The following GNAI3 variants were observed in gnomAD, a reference collection of about 807,000 sequenced individuals.
GNAI3 encodes the protein G protein subunit alpha i3.
GNAI3 carries 12 observed loss-of-function variants against 41.8 expected under a neutral mutation model. The ratio of observed to expected loss-of-function variants is 0.29; its 90% CI spans 0.18 to 0.47. The LOEUF (loss-of-function observed/expected upper bound fraction) is 0.47. Ranked by LOEUF, GNAI3 falls within the 20% of genes least tolerant of loss-of-function variation. GNAI3 has a pLI of 1.00. For missense variants in GNAI3, 360 were observed against 429.6 expected, an observed-to-expected ratio of 0.84 and a Z score of 1.43; for synonymous variants, 132 against 146.5, an observed-to-expected ratio of 0.90 and a Z score of 0.71.
intron 1 of GNAI3, among the ~76,000 whole-genome samples, chr1:109,567,065 A>G (rs967837300): frequency 6.6e-6 from 1 of 152,168 alleles, no homozygotes; most frequent in Non-Finnish European, 1.5e-5. Context: ...AAAAAAATCA[A>G]TTTTATTTGC....
At chr1:109,591,967 A>C (rs546985024) in intron 7 of GNAI3, 76 bp from the exon 8 acceptor site, 1 of 788,430 alleles carries the variant, frequency 1.3e-6, no homozygotes, top group East Asian at 2.5e-5. Context: ...TCCATAAGTA[A>C]ATGGTAATGG....
rs752850874 is a variant in GNAI3 at position 109,579,294 on chromosome 1, C to T, written c.394C>T (p.Arg132Ter). The change falls in exon 4 of 9, where the codon CGA becomes TGA. Residue 132 changes from arginine (R) to a stop codon, truncating the protein, a stop_gained. Transcript: ENST00000369851. LOFTEE classifies it high-confidence loss of function. Reference protein sequence around the residue: ...ELAGVIKRLWRDGGVQACFSR... With the variant: ...ELAGVIKRLW ...AGCAGGAGTGATTAAACGGTTATGG[C>T]GAGATGGTGGGGTACAAGCTTGCTT... is the stretch of plus-strand genomic sequence containing the variant. 9 of 1,612,814 alleles carry T rather than the reference C, an allele frequency of 5.6e-6. No individual in the cohort carries two copies. The highest frequency in any genetic ancestry group is 7.6e-6 in the Non-Finnish European group (9 of 1,179,102).
chr1:109,554,244 T>C (rs1648083773), intron 1 of GNAI3, among the ~76,000 whole-genome samples: 2 of 152,166 alleles, frequency 1.3e-5, no homozygotes, highest in Non-Finnish European at 2.9e-5. Context: ...GGGTAGATAC[T>C]CAGGAGTGAG....
rs969402700 is a variant in GNAI3, at chr1:109,597,337, C to G, written c.*5015C>G. On this transcript the variant is annotated 3_prime_UTR_variant, in exon 9 of 9. Transcript: ENST00000369851. ...ATTAGCCAGGCATGGTGGTGGATGC[C>G]TGTAATCCTAGCTACTCGGGAGGCT... is the stretch of plus-strand genomic sequence containing the variant. 6.6e-6 allele frequency: 1 copy of G among 152,240 alleles called. No homozygotes were observed. The highest frequency in any genetic ancestry group is 2.4e-5 in the African/African-American group (1 of 41,504). The allele number at this position is 152,240 out of a possible 1,614,324, so 9.4% of individuals were successfully genotyped here.
chr1:109,577,970 T>G (rs575016234), intron 3 of GNAI3, among the ~76,000 whole-genome samples: 3 of 152,366 alleles, frequency 2.0e-5, no homozygotes, highest in Non-Finnish European at 4.4e-5. Context: ...ATATACTTTT[T>G]AAATTTTTTA....
chr1:109,562,943 G>A (rs556627574), intron 1 of GNAI3, among the ~76,000 whole-genome samples: 2 of 152,100 alleles, frequency 1.3e-5, no homozygotes, highest in East Asian at 1.9e-4. Context: ...ATTATTTGTG[G>A]GTTACAGTTG....
rs575123495 is a variant in GNAI3, at chr1:109,593,566, C to T, written c.*1244C>T. 1 of 152,732 alleles carries T rather than the reference C, an allele frequency of 6.5e-6. No homozygotes were observed. Among genetic ancestry groups the T allele is most frequent in the African/African-American group, 2.4e-5 (1 of 41,560 alleles). 9.5% of individuals were successfully genotyped at this position (152,732 alleles called of 1,614,324 possible). A position where few individuals can be genotyped will look rare whatever the true frequency, so the allele number is the denominator to read the frequency against. ...TTTCTGGAAATACTGTCTTCTGTTT[C>T]CTTTTGCCTTTGCAGAATGTGCTTT... On this transcript the variant is annotated 3_prime_UTR_variant, in exon 9 of 9. Coordinates refer to ENST00000369851, the MANE Select transcript of GNAI3 (RefSeq NM_006496.4).
At chr1:109,561,421 G>C (rs1219248679) in intron 1 of GNAI3, among the ~76,000 whole-genome samples, 1 of 152,066 alleles carries the variant, frequency 6.6e-6, no homozygotes, top group African/African-American at 2.4e-5. Flanking sequence ...GATTAATATT[G>C]GTGCCTTAAT....
At chr1:109,578,871 C>T (rs1306931571) in intron 3 of GNAI3, among the ~76,000 whole-genome samples, 3 of 152,166 alleles carry the variant, frequency 2.0e-5, no homozygotes, top group Non-Finnish European at 4.4e-5. Context: ...AATCCTGTCT[C>T]ATAAACCAGT....
At chr1:109,576,328 CCA>C (rs1395165848) in intron 3 of GNAI3, among the ~76,000 whole-genome samples, 1 of 152,100 alleles carries the variant, frequency 6.6e-6, no homozygotes, top group Non-Finnish European at 1.5e-5. Flanking sequence ...CTTGGCCTCC[CCA>C]AGTGCTGGGA....
In GNAI3 at chr1:109,598,499, T is replaced by C. The variant is rs754717561; in HGVS notation, c.*6177T>C. Reference sequence around the variant, plus strand: ...ATTTGAAAATGCTTTGTAAATGTTATGATACTCAGGATTATACTGCACAGA... The same window carrying C: ...ATTTGAAAATGCTTTGTAAATGTTACGATACTCAGGATTATACTGCACAGA... On this transcript the variant is annotated 3_prime_UTR_variant, in exon 9 of 9. Transcript: ENST00000369851. 3 of 155,824 alleles carry C rather than the reference T, an allele frequency of 1.9e-5. No individual in the cohort carries two copies. The highest frequency in any genetic ancestry group is 4.3e-5 in the Non-Finnish European group (3 of 70,168). The allele number at this position is 155,824 out of a possible 1,614,324, so 9.7% of individuals were successfully genotyped here. A position where few individuals can be genotyped will look rare whatever the true frequency, so the allele number is the denominator to read the frequency against.
intron 1 of GNAI3, among the ~76,000 whole-genome samples, chr1:109,566,619 T>C (rs1385601955): frequency 1.3e-5 from 2 of 152,206 alleles, no homozygotes; most frequent in Non-Finnish European, 2.9e-5. Context: ...CGGAGTGCAA[T>C]GGCGCGGTCT....
chr1:109,589,193 C>T (rs925285171), intron 7 of GNAI3, among the ~76,000 whole-genome samples: 6 of 151,918 alleles, frequency 3.9e-5, no homozygotes, highest in African/African-American at 9.7e-5. Context: ...ACAGGTAGAA[C>T]GAGAGAGAAT....
chr1:109,552,795 C>T (rs1041653468), intron 1 of GNAI3, among the ~76,000 whole-genome samples: 1 of 151,786 alleles, frequency 6.6e-6, no homozygotes, highest in African/African-American at 2.4e-5. Context: ...CCCAATGAGC[C>T]TTACAAATAT....
intron 1 of GNAI3, among the ~76,000 whole-genome samples, chr1:109,556,449 G>T (rs969574727): frequency 6.6e-6 from 1 of 152,198 alleles, no homozygotes; most frequent in Non-Finnish European, 1.5e-5. Flanking sequence ...AAACGCGGAA[G>T]AAAAAACTGA....
chr1:109,558,845 T>C (rs920802397), intron 1 of GNAI3, among the ~76,000 whole-genome samples: 11 of 151,988 alleles, frequency 7.2e-5, no homozygotes, highest in African/African-American at 2.7e-4. Flanking sequence ...GAATAGGACT[T>C]GTTGAAGGGA....
At chr1:109,578,157 A>G (rs1018877535) in intron 3 of GNAI3, among the ~76,000 whole-genome samples, 1 of 152,118 alleles carries the variant, frequency 6.6e-6, no homozygotes, top group Non-Finnish European at 1.5e-5. Flanking sequence ...TTTATGTTTA[A>G]AAACTATAAC....
At position 109,595,150 on chromosome 1, in the gene GNAI3, A is replaced by G. The variant is rs2101115274; in HGVS notation, c.*2828A>G. ...CTCTGAAGAATGCTGGAGATTTGTG[A>G]TGGATAATGTTTCAGAATTCAGGTG... On this transcript the variant is annotated 3_prime_UTR_variant, in exon 9 of 9. Transcript: ENST00000369851. The G allele has an allele frequency of 6.6e-6, 1 of 152,322 alleles. No individual in the cohort carries two copies. Among genetic ancestry groups the G allele is most frequent in the East Asian group, 1.9e-4 (1 of 5,190 alleles). The allele number at this position is 152,322 out of a possible 1,614,324, so 9.4% of individuals were successfully genotyped here.
At position 109,574,691 on chromosome 1, in the gene GNAI3, G is replaced by T. The variant is rs574304966; in HGVS notation, c.303+654G>T. 8.5e-5 allele frequency among the ~76,000 whole-genome samples: 13 copies of T among 152,182 alleles called. No homozygotes were observed. In the East Asian group the frequency reaches 2.1e-3, roughly 25 times the overall value. ...TAGGATGTTTTATGCCATTGGGGAG[G>T]GTGCCAATATGAAGGCAGGAGATCT... is the stretch of plus-strand genomic sequence containing the variant. On this transcript the variant is annotated intron_variant, in intron 3 of 8. Coordinates refer to ENST00000369851, the MANE Select transcript of GNAI3 (RefSeq NM_006496.4).
Sources: gnomAD v4.1 joint callset for allele counts (sites outside exome capture counted in the v4.1 genomes callset) on GRCh38, gnomAD v4.1.1 for gene constraint, MANE v1.5 for transcripts, NCBI Gene and HGNC (gene_info 2026-07-23, HGNC 2026-07-21) for gene names.